SLAIN2: variants seen among roughly 807,000 people sequenced by gnomAD.
SLAIN2 encodes SLAIN family member 2, also known as SLAIN motif-containing protein 2.
SLAIN2 carries 31 observed loss-of-function variants against 56.6 expected under a neutral mutation model. The observed-to-expected ratio is 0.55, with a 90% CI of 0.41 to 0.74. The LOEUF is 0.74. Among genes scored for constraint, SLAIN2 ranks in the 30% least tolerant of loss-of-function variants. The probability of loss-of-function intolerance (pLI) is 0.00; values close to 1 mark genes in which losing one functional copy is unlikely to be tolerated. For missense variants in SLAIN2, 777 were observed against 754.2 expected (o/e 1.03, Z -0.35); for synonymous variants, 317 against 284.9 (o/e 1.11, Z -1.13).
intron 6 of SLAIN2, among the ~76,000 whole-genome samples, chr4:48,414,039 A>G (rs1716934038): frequency 6.6e-6 from 1 of 152,174 alleles, no homozygotes; most frequent in South Asian, 2.1e-4. Context: ...TTAAGATACG[A>G]ATTCTCTATT....
At chr4:48,421,552 T>G (rs1717157623) in intron 7 of SLAIN2, among the ~76,000 whole-genome samples, 1 of 152,148 alleles carries the variant, frequency 6.6e-6, no homozygotes, top group Non-Finnish European at 1.5e-5. Flanking sequence ...TTTAATGGAA[T>G]TAAGTAATTT....
chr4:48,407,561 A>G (rs1384419758), intron 6 of SLAIN2, among the ~76,000 whole-genome samples: 1 of 151,704 alleles, frequency 6.6e-6, no homozygotes, highest in Non-Finnish European at 1.5e-5. Context: ...TCTATTGCTC[A>G]TTTTTCCATG....
At chr4:48,419,821 T>G (rs1717099676) in intron 6 of SLAIN2, among the ~76,000 whole-genome samples, 1 of 152,202 alleles carries the variant, frequency 6.6e-6, no homozygotes, top group African/African-American at 2.4e-5. Context: ...GTGGCCCACA[T>G]TAGTTGCTAC....
chr4:48,400,929 G>A (rs1191271064), intron 6 of SLAIN2, among the ~76,000 whole-genome samples: 1 of 152,064 alleles, frequency 6.6e-6, no homozygotes, highest in Non-Finnish European at 1.5e-5. Context: ...TCAGCATTTA[G>A]TGCCGTAAAT....
At chr4:48,344,384 ACCTT>A (rs1467140341) in intron 1 of SLAIN2, among the ~76,000 whole-genome samples, 1 of 152,120 alleles carries the variant, frequency 6.6e-6, no homozygotes, top group Non-Finnish European at 1.5e-5. Context: ...TAGCTATTGC[ACCTT>A]CCTTTTCATC....
intron 2 of SLAIN2, among the ~76,000 whole-genome samples, chr4:48,373,167 A>G (rs1308589086): frequency 1.3e-5 from 2 of 152,156 alleles, no homozygotes; most frequent in East Asian, 3.8e-4. Context: ...AAAATTATCC[A>G]TTTTCACCCT....
intron 6 of SLAIN2, among the ~76,000 whole-genome samples, chr4:48,408,530 C>CAAAAAA (rs3072283): frequency 2.0e-4 from 22 of 108,982 alleles, no homozygotes; most frequent in African/African-American, 7.2e-4. Flanking sequence ...CCGTTTTTAG[C>CAAAAAA]AAAAAAAAAA....
chr4:48,365,444 CAAAAAA>C (rs34317951), intron 1 of SLAIN2, among the ~76,000 whole-genome samples: 1 of 56,988 alleles, frequency 1.8e-5, no homozygotes, highest in African/African-American at 6.5e-5. Context: ...GACTCCATCT[CAAAAAA>C]AAAAAAAAAA....
chr4:48,377,072 G>A (rs1715836738), intron 2 of SLAIN2, among the ~76,000 whole-genome samples: 1 of 151,792 alleles, frequency 6.6e-6, no homozygotes, highest in Non-Finnish European at 1.5e-5. Flanking sequence ...TGAGTGCAGT[G>A]TCTCACCCCT....
At chr4:48,412,365 TACACACACACACACACACACACACAC>T (rs748099130) in intron 6 of SLAIN2, among the ~76,000 whole-genome samples, 3 of 112,904 alleles carry the variant, frequency 2.7e-5, no homozygotes, top group African/African-American at 6.7e-5. Flanking sequence ...TTTGTATATG[TACACACACACACACACACACACACAC>T]ACACACACAC....
chr4:48,408,362 G>A (rs553764452), intron 6 of SLAIN2, among the ~76,000 whole-genome samples: 5 of 151,216 alleles, frequency 3.3e-5, no homozygotes, highest in African/African-American at 7.3e-5. Flanking sequence ...AAAAAAACAC[G>A]ACATTTCAGT....
At chr4:48,369,136 A>G (rs955912869) in intron 1 of SLAIN2, among the ~76,000 whole-genome samples, 5 of 152,188 alleles carry the variant, frequency 3.3e-5, no homozygotes, top group African/African-American at 9.6e-5. Flanking sequence ...TGCATTTTTC[A>G]TATGGAGTGA....
At chr4:48,370,687 G>A (rs191474206) in intron 2 of SLAIN2, among the ~76,000 whole-genome samples, 13 of 152,334 alleles carry the variant, frequency 8.5e-5, no homozygotes, top group Admixed American at 6.5e-4. Flanking sequence ...TAGCATGCCA[G>A]TGTGGGCAGA....
intron 5 of SLAIN2, among the ~76,000 whole-genome samples, chr4:48,383,148 A>G (rs1423093220): frequency 1.4e-5 from 2 of 146,892 alleles, no homozygotes; most frequent in Admixed American, 1.4e-4. Context: ...AGTCTGGGCA[A>G]CAGAGCAGGA....
intron 6 of SLAIN2, among the ~76,000 whole-genome samples, chr4:48,400,049 A>G (rs1288946436): frequency 6.6e-6 from 1 of 152,036 alleles, no homozygotes; most frequent in East Asian, 1.9e-4. Flanking sequence ...CTCCTTTTCA[A>G]TTGTTTGGAA....
chr4:48,350,662 C>T (rs758625307), intron 1 of SLAIN2, among the ~76,000 whole-genome samples: 1 of 152,104 alleles, frequency 6.6e-6, no homozygotes, highest in African/African-American at 2.4e-5. Flanking sequence ...CTCAAAATTA[C>T]GTCTTCTGAG....
chr4:48,394,628 G>T (rs1373316271), intron 6 of SLAIN2: 1 of 1,535,834 alleles, frequency 6.5e-7, no homozygotes, highest in South Asian at 1.2e-5. Flanking sequence ...CCAAACAGTT[G>T]CTTCAAACTT....
Position 48,369,971 on chromosome 4 carries a change from T to A in SLAIN2, c.512T>A (p.Ile171Asn), listed in dbSNP as rs368937930. 2.0e-5 allele frequency: 32 copies of A among 1,613,538 alleles called. No homozygotes were observed. The highest frequency in any genetic ancestry group is 2.4e-5 in the Non-Finnish European group (28 of 1,179,680). ...PDVECAKKSL[I>N]HKLDQTMSAL... ...GTTGAGTGTGCTAAAAAATCTCTTATCCACAAACTTGATCAAACTATGTCA... is the reference window on the plus strand; with the variant it reads ...GTTGAGTGTGCTAAAAAATCTCTTAACCACAAACTTGATCAAACTATGTCA... The change falls in exon 2 of 8, where the codon ATC (isoleucine) becomes AAC (asparagine). Residue 171 changes from isoleucine to asparagine, a missense_variant. Ile to Asn is a moderately radical substitution (Grantham distance 149). Transcript: ENST00000264313.
intron 2 of SLAIN2, among the ~76,000 whole-genome samples, chr4:48,375,854 A>G (rs1191961290): frequency 1.3e-5 from 2 of 152,196 alleles, no homozygotes; most frequent in African/African-American, 4.8e-5. Context: ...TAAAGCACAT[A>G]CTTTCCCCAT....
Sources: gnomAD v4.1 joint callset for allele counts (sites outside exome capture counted in the v4.1 genomes callset) on GRCh38, gnomAD v4.1.1 for gene constraint, MANE v1.5 for transcripts, NCBI Gene and HGNC (gene_info 2026-07-23, HGNC 2026-07-21) for gene names.